Variants in LARGE1 observed in about 807,000 individuals in gnomAD.
LARGE1 encodes the protein xylosyl- and glucuronyltransferase LARGE1.
LARGE1 carries 43 observed loss-of-function variants against 87.6 expected under a neutral mutation model. That is an observed-to-expected ratio of 0.49 (90% CI 0.38 to 0.63). The LOEUF (loss-of-function observed/expected upper bound fraction) is 0.63, where lower values mean the gene tolerates loss of function less well. Ranked by LOEUF, LARGE1 falls within the 30% of genes least tolerant of loss-of-function variation. LARGE1 has a pLI of 0.00. For synonymous variants in LARGE1, 434 were observed against 394.6 expected, an observed-to-expected ratio of 1.10 and a Z score of -1.18; for missense variants, 802 against 1,000.2, an observed-to-expected ratio of 0.80 and a Z score of 2.67.
chr22:33,116,537 T>C, the LARGE1 span, among the ~76,000 whole-genome samples: 1 of 151,704 alleles, frequency 6.6e-6, no homozygotes. Context: ...TGTATTTTTT[T>C]TTTTTTTAGT....
intron 11 of LARGE1, among the ~76,000 whole-genome samples, chr22:33,182,837 T>C (rs183943419): frequency 6.6e-6 from 1 of 152,270 alleles, no homozygotes; most frequent in African/African-American, 2.4e-5. Flanking sequence ...GAGTTAAGTG[T>C]AACACCTGAA....
chr22:33,531,410 G>A (rs1169834636), intron 6 of LARGE1, among the ~76,000 whole-genome samples: 4 of 152,010 alleles, frequency 2.6e-5, no homozygotes, highest in East Asian at 1.9e-4. Context: ...CACCCGCCTC[G>A]GCCTCCCAAA....
chr22:33,428,854 C>T (rs1256312511), intron 7 of LARGE1, among the ~76,000 whole-genome samples: 4 of 144,772 alleles, frequency 2.8e-5, no homozygotes, highest in Admixed American at 7.0e-5. Context: ...GGCGTGAACC[C>T]GGGAGGCAGA....
intron 11 of LARGE1, among the ~76,000 whole-genome samples, chr22:33,314,399 A>C (rs1316279419): frequency 2.0e-5 from 3 of 152,280 alleles, no homozygotes; most frequent in African/African-American, 7.2e-5. Flanking sequence ...GCCACCCTCA[A>C]CATGAATCAT....
chr22:33,722,281 G>A (rs913448309), intron 2 of LARGE1, among the ~76,000 whole-genome samples: 83 of 142,650 alleles, frequency 5.8e-4, no homozygotes, highest in Non-Finnish European at 9.5e-4. Flanking sequence ...GAGAGGGAGA[G>A]GAGGGAGAGG....
intron 6 of LARGE1, chr22:33,436,748 CAACA>C (rs2067286202): frequency 6.6e-6 from 1 of 152,544 alleles, no homozygotes; most frequent in South Asian, 2.1e-4. Flanking sequence ...GCCAGCATGC[CAACA>C]GATAGCCTGC....
intron 11 of LARGE1, among the ~76,000 whole-genome samples, chr22:33,228,484 C>A (rs1925845734): frequency 6.6e-6 from 1 of 152,226 alleles, no homozygotes. Context: ...AACATTGGTT[C>A]TATCTGAAAA....
intron 11 of LARGE1, among the ~76,000 whole-genome samples, chr22:33,255,023 C>T (rs745876010): frequency 2.0e-5 from 3 of 151,570 alleles, no homozygotes; most frequent in Admixed American, 6.6e-5. Context: ...CTGCAACCTC[C>T]GCCCCCCAGG....
chr22:33,487,301 G>T (rs192392947), intron 6 of LARGE1, among the ~76,000 whole-genome samples: 13 of 152,324 alleles, frequency 8.5e-5, no homozygotes, highest in Admixed American at 8.5e-4. Context: ...ACTAGCATCA[G>T]GAGTTGGAAA....
intron 2 of LARGE1, among the ~76,000 whole-genome samples, chr22:33,721,753 G>A (rs766542480): frequency 1.5e-4 from 23 of 152,210 alleles, no homozygotes; most frequent in Non-Finnish European, 2.5e-4. Context: ...GAAGGACAAA[G>A]AACTTCTCAC....
chr22:33,160,118 C>A (rs5749572), downstream of LARGE1, among the ~76,000 whole-genome samples: 64,165 of 152,060 alleles, frequency 0.42, 13,967 homozygotes, highest in South Asian at 0.68. Flanking sequence ...AAGCCTACAG[C>A]ACATTCAGTG....
intron 9 of LARGE1, among the ~76,000 whole-genome samples, chr22:33,366,918 T>C (rs1157964877): frequency 6.6e-6 from 1 of 152,216 alleles, no homozygotes; most frequent in East Asian, 1.9e-4. Flanking sequence ...AAATTGGAAA[T>C]GTCCTTGGAT....
Position 33,244,749 on chromosome 22 carries a change from A to G in LARGE1, c.1730+59480T>C, listed in dbSNP as rs570777903. 5.3e-5 allele frequency among the ~76,000 whole-genome samples: 8 copies of G among 152,314 alleles called. No homozygotes were observed. The East Asian group carries it at 1.5e-3, about 29-fold the overall frequency. On this transcript the variant is annotated intron_variant, in intron 11 of 11. Transcript: ENST00000608642. The stretch of plus-strand genomic sequence containing the variant: ...ATCGTGTCTAAAATCTGATCCATTC[A>G]TGAAATAATTACAAGAAAGGATGTT...
chr22:33,124,672 G>A, the LARGE1 span, among the ~76,000 whole-genome samples: 2 of 152,164 alleles, frequency 1.3e-5, no homozygotes, highest in Middle Eastern at 3.4e-3. Context: ...ACTCATCACC[G>A]ATGCAGGGCA....
intron 1 of LARGE1, among the ~76,000 whole-genome samples, chr22:33,794,144 C>G (rs539819691): frequency 4.7e-4 from 71 of 152,276 alleles, no homozygotes; most frequent in Non-Finnish European, 7.2e-4. Flanking sequence ...GACCCACATT[C>G]AAGTCTGCGA....
intron 11 of LARGE1, among the ~76,000 whole-genome samples, chr22:33,242,880 G>T (rs1211533191): frequency 6.6e-6 from 1 of 152,194 alleles, no homozygotes; most frequent in Non-Finnish European, 1.5e-5. Context: ...CTGGTGGTTT[G>T]CTGGCAATCT....
At chr22:33,130,916 C>T in the LARGE1 span, among the ~76,000 whole-genome samples, 1 of 151,810 alleles carries the variant, frequency 6.6e-6, no homozygotes, top group Non-Finnish European at 1.5e-5. Context: ...GCCTGTAGTC[C>T]CAGCTACTCG....
chr22:33,643,230 G>A (rs1407264163), intron 3 of LARGE1, among the ~76,000 whole-genome samples: 1 of 150,382 alleles, frequency 6.6e-6, no homozygotes, highest in Non-Finnish European at 1.5e-5. Flanking sequence ...TTAGAGCTCA[G>A]GATTAAGAAA....
chr22:33,650,760 G>T, intron 2 of LARGE1, 92 bp from the exon 3 acceptor site: 1 of 1,419,184 alleles, frequency 7.0e-7, no homozygotes, highest in Non-Finnish European at 9.7e-7. Flanking sequence ...TACATGGCGA[G>T]GCTCCTTGCA....
Sources: gnomAD v4.1 joint callset for allele counts (sites outside exome capture counted in the v4.1 genomes callset) on GRCh38, gnomAD v4.1.1 for gene constraint, MANE v1.5 for transcripts, NCBI Gene and HGNC (gene_info 2026-07-23, HGNC 2026-07-21) for gene names.